Variants in UPRT observed in about 807,000 individuals in gnomAD.
UPRT encodes RP11-311P8.3.
Under a neutral mutation model 22.6 loss-of-function variants are expected in UPRT, and 5 were observed. The ratio of observed to expected loss-of-function variants is 0.22; its 90% CI spans 0.12 to 0.47. The LOEUF is 0.47. Among genes scored for constraint, UPRT ranks in the 20% least tolerant of loss-of-function variants. UPRT has a pLI of 0.99. For synonymous variants in UPRT, 77 were observed against 87.7 expected (o/e 0.88, Z 0.68); for missense variants, 181 against 239.9 (o/e 0.75, Z 1.62).
At chrX:75,241,762 C>A (rs1017469763) in intron 4 of UPRT, among the ~76,000 whole-genome samples, 10 of 111,711 alleles carry the variant, frequency 9.0e-5, no homozygotes, top group African/African-American at 3.2e-4. Flanking sequence ...GAATCAATGG[C>A]ATTCACAGCA....
intron 4 of UPRT, among the ~76,000 whole-genome samples, chrX:75,240,727 T>C (rs1178642243): frequency 3.6e-5 from 4 of 111,384 alleles, no homozygotes; most frequent in Non-Finnish European, 7.6e-5. Flanking sequence ...TGTTTAAAAA[T>C]AGGCACATAG....
chrX:75,213,907 A>G (rs913033826), intron 4 of UPRT, among the ~76,000 whole-genome samples: 5 of 112,068 alleles, frequency 4.5e-5, no homozygotes, highest in Non-Finnish European at 5.6e-5. Flanking sequence ...TTTTTCAGTA[A>G]TGGACAGATT....
rs978328851 is a variant in UPRT, at chrX:75,304,783, T to A, written c.*1272T>A. Among the ~76,000 whole-genome samples the A allele has an allele frequency of 9.0e-6, 1 of 111,597 alleles. No individual in the cohort carries two copies. The highest frequency in any genetic ancestry group is 1.9e-5 in the Non-Finnish European group (1 of 53,057). Reference sequence around the variant, plus strand: ...GGTGTAGATTGGATTATATTTTTCCTTTGGGGACTAGAATACTAGAAGAAC... The same window carrying A: ...GGTGTAGATTGGATTATATTTTTCCATTGGGGACTAGAATACTAGAAGAAC... On this transcript the variant is annotated 3_prime_UTR_variant, in exon 7 of 7. Transcript: ENST00000373383.
rs1328896161 is a variant in UPRT at position 75,157,738 on chromosome X, C to A, written c.-737+1188C>A. Reference sequence around the variant, plus strand: ...CAATAGTTCAGTCATAAAATAAAGGCCTCAACCTAGCAGTAGCAGTGGCAG... The same window carrying A: ...CAATAGTTCAGTCATAAAATAAAGGACTCAACCTAGCAGTAGCAGTGGCAG... On this transcript the variant is annotated intron_variant, in intron 1 of 13. Coordinates refer to the UPRT transcript ENST00000652605. Among the ~76,000 whole-genome samples, 3 of 111,922 alleles carry A rather than the reference C, an allele frequency of 2.7e-5. No individual in the cohort carries two copies. The East Asian group carries it at 8.4e-4, about 31-fold the overall frequency.
intron 4 of UPRT, among the ~76,000 whole-genome samples, chrX:75,210,184 T>C (rs886369745): frequency 8.9e-6 from 1 of 111,777 alleles, no homozygotes; most frequent in Non-Finnish European, 1.9e-5. Flanking sequence ...AGTTGCCTGA[T>C]AATCCCAATT....
At chrX:75,298,404 G>T (rs2082733396) in intron 4 of UPRT, among the ~76,000 whole-genome samples, 1 of 111,551 alleles carries the variant, frequency 9.0e-6, no homozygotes, top group South Asian at 3.7e-4. Flanking sequence ...TTGTATTTGT[G>T]TTTGAGTCCA....
intron 4 of UPRT, among the ~76,000 whole-genome samples, chrX:75,179,143 GT>G (rs1322771668): frequency 8.9e-6 from 1 of 111,783 alleles, no homozygotes; most frequent in East Asian, 2.8e-4. Flanking sequence ...GCTGATTGGT[GT>G]GTTTACAAAC....
intron 4 of UPRT, among the ~76,000 whole-genome samples, chrX:75,200,045 T>A (rs939672933): frequency 8.9e-6 from 1 of 112,223 alleles, no homozygotes; most frequent in African/African-American, 3.2e-5. Flanking sequence ...TATTCCCTAC[T>A]TTTACTAATG....
chrX:75,246,772 C>T (rs769554527), intron 4 of UPRT, among the ~76,000 whole-genome samples: 3 of 111,414 alleles, frequency 2.7e-5, no homozygotes, highest in Admixed American at 1.9e-4. Flanking sequence ...CTGTTGTTTC[C>T]TGACTTTTTA....
intron 1 of UPRT, among the ~76,000 whole-genome samples, chrX:75,286,246 A>C (rs1228136058): frequency 1.1e-5 from 1 of 93,416 alleles, no homozygotes; most frequent in Non-Finnish European, 2.0e-5. Flanking sequence ...AACAATGAAT[A>C]ATTTTTTATG....
At chrX:75,237,102 G>A (rs2082468889) in intron 4 of UPRT, among the ~76,000 whole-genome samples, 1 of 111,753 alleles carries the variant, frequency 8.9e-6, no homozygotes, top group Non-Finnish European at 1.9e-5. Flanking sequence ...AAATTTACAA[G>A]GAAAAAACAA....
intron 4 of UPRT, among the ~76,000 whole-genome samples, chrX:75,268,270 C>G (rs1181058642): frequency 9.0e-6 from 1 of 111,106 alleles, no homozygotes; most frequent in African/African-American, 3.3e-5. Flanking sequence ...TAATTAATAG[C>G]CTACCAACAA....
At chrX:75,272,491 CA>C (rs1404603916), upstream of UPRT, among the ~76,000 whole-genome samples, 1 of 106,790 alleles carries the variant, frequency 9.4e-6, no homozygotes, top group Non-Finnish European at 1.9e-5. Context: ...AATGGAAAAC[CA>C]AACATTGTAT....
At chrX:75,218,340 A>C (rs1394842283) in intron 4 of UPRT, among the ~76,000 whole-genome samples, 1 of 110,211 alleles carries the variant, frequency 9.1e-6, no homozygotes, top group Non-Finnish European at 1.9e-5. Context: ...ACAATGAGAT[A>C]CCATCTCACA....
intron 4 of UPRT, among the ~76,000 whole-genome samples, chrX:75,208,984 A>G (rs1306207873): frequency 8.9e-6 from 1 of 111,920 alleles, no homozygotes; most frequent in Non-Finnish European, 1.9e-5. Context: ...GGCAAATTGT[A>G]TGGAGGCGTG....
At chrX:75,277,151 G>A (rs1385882595) in intron 1 of UPRT, among the ~76,000 whole-genome samples, 1 of 111,508 alleles carries the variant, frequency 9.0e-6, no homozygotes, top group Non-Finnish European at 1.9e-5. Context: ...ACATTTGGGT[G>A]GTTTACCACT....
At chrX:75,285,775 G>A (rs932260337) in intron 1 of UPRT, among the ~76,000 whole-genome samples, 2 of 110,287 alleles carry the variant, frequency 1.8e-5, no homozygotes, top group African/African-American at 6.6e-5. Context: ...CACTCTGTGA[G>A]TTTATTAAGA....
chrX:75,277,669 C>CT (rs768658729), intron 1 of UPRT, among the ~76,000 whole-genome samples: 1 of 111,685 alleles, frequency 9.0e-6, no homozygotes, highest in South Asian at 3.8e-4. Flanking sequence ...TTCATAAGTG[C>CT]TGTCTTCTTG....
chrX:75,219,528 A>G (rs1231966298), intron 4 of UPRT, among the ~76,000 whole-genome samples: 1 of 111,715 alleles, frequency 9.0e-6, no homozygotes, highest in Non-Finnish European at 1.9e-5. Context: ...TTTACTCCAA[A>G]CTATAATAAA....
Sources: gnomAD v4.1 joint callset for allele counts (sites outside exome capture counted in the v4.1 genomes callset) on GRCh38, gnomAD v4.1.1 for gene constraint, MANE v1.5 for transcripts, NCBI Gene and HGNC (gene_info 2026-07-23, HGNC 2026-07-21) for gene names.